The following CHIC1 variants were observed in gnomAD, a reference collection of about 807,000 sequenced individuals.
The protein encoded by CHIC1 is cysteine rich hydrophobic domain 1.
CHIC1 carries 7 observed loss-of-function variants against 18.5 expected under a neutral mutation model. The ratio of observed to expected loss-of-function variants is 0.38; its 90% CI spans 0.22 to 0.71. CHIC1 has a LOEUF of 0.71. Among genes scored for constraint, CHIC1 ranks in the 30% least tolerant of loss-of-function variants. The probability of loss-of-function intolerance (pLI) is 0.49; values close to 1 mark genes in which losing one functional copy is unlikely to be tolerated. For synonymous variants in CHIC1, 77 were observed against 73.5 expected, an observed-to-expected ratio of 1.05 and a Z score of -0.25; for missense variants, 159 against 176.9, an observed-to-expected ratio of 0.90 and a Z score of 0.57.
chrX:73,650,928 A>G (rs2057913302), intron 3 of CHIC1, among the ~76,000 whole-genome samples: 1 of 111,742 alleles, frequency 8.9e-6, no homozygotes, highest in Non-Finnish European at 1.9e-5. Context: ...ACATCAATGC[A>G]AAAATCCTCA....
chrX:73,584,045 G>A (rs1180374072), intron 2 of CHIC1, among the ~76,000 whole-genome samples: 4 of 110,922 alleles, frequency 3.6e-5, no homozygotes, highest in African/African-American at 1.3e-4. Flanking sequence ...TTATTGTTGT[G>A]TTATGCTTCT....
At chrX:73,571,064 G>A (rs902298602) in intron 1 of CHIC1, among the ~76,000 whole-genome samples, 10 of 110,095 alleles carry the variant, frequency 9.1e-5, no homozygotes, top group Admixed American at 1.9e-4. Flanking sequence ...TGGAAGCAGT[G>A]GACAGTTCAT....
chrX:73,587,841 G>A (rs759545214), intron 3 of CHIC1, among the ~76,000 whole-genome samples: 25 of 111,437 alleles, frequency 2.2e-4, no homozygotes, highest in African/African-American at 7.1e-4. Flanking sequence ...TTATAACTTG[G>A]TCATAGACTG....
chrX:73,654,085 A>G (rs532128065), intron 3 of CHIC1, among the ~76,000 whole-genome samples: 2 of 112,473 alleles, frequency 1.8e-5, no homozygotes, highest in African/African-American at 6.4e-5. Flanking sequence ...TGGTCAAAAT[A>G]GTGAAAGTGG....
intron 3 of CHIC1, among the ~76,000 whole-genome samples, chrX:73,601,071 T>G (rs1221586277): frequency 9.4e-6 from 1 of 106,371 alleles, no homozygotes; most frequent in Non-Finnish European, 1.9e-5. Flanking sequence ...AAGTCCTGAG[T>G]GACCTACAAA....
chrX:73,594,162 T>TTTTGTTTTGC (rs1211178077), intron 3 of CHIC1, among the ~76,000 whole-genome samples: 2 of 108,935 alleles, frequency 1.8e-5, no homozygotes, highest in Non-Finnish European at 3.8e-5. Context: ...TTTTGTTTTG[T>TTTTGTTTTGC]TTTGTTTTGT....
chrX:73,672,881 G>C (rs774368358), intron 3 of CHIC1, among the ~76,000 whole-genome samples: 3 of 111,691 alleles, frequency 2.7e-5, no homozygotes, highest in Non-Finnish European at 5.6e-5. Context: ...TTTTCTTCTA[G>C]GGTTTCTATG....
At chrX:73,582,311 A>T (rs552246178) in intron 2 of CHIC1, among the ~76,000 whole-genome samples, 1 of 110,877 alleles carries the variant, frequency 9.0e-6, no homozygotes, top group Admixed American at 9.6e-5. Context: ...AATATTACAG[A>T]TTAAAGCTAA....
intron 3 of CHIC1, among the ~76,000 whole-genome samples, chrX:73,614,665 C>T (rs1208740569): frequency 1.8e-5 from 2 of 109,914 alleles, no homozygotes; most frequent in Non-Finnish European, 3.8e-5. Context: ...AAGATTTTGA[C>T]TACATTTTCT....
chrX:73,618,346 A>G (rs978374720), intron 3 of CHIC1, among the ~76,000 whole-genome samples: 7 of 111,420 alleles, frequency 6.3e-5, no homozygotes, highest in African/African-American at 2.3e-4. Flanking sequence ...CCAAGATAAT[A>G]TGTCCTTTGT....
intron 3 of CHIC1, among the ~76,000 whole-genome samples, chrX:73,636,642 A>G (rs1168141391): frequency 9.2e-6 from 1 of 108,205 alleles, no homozygotes; most frequent in Non-Finnish European, 1.9e-5. Flanking sequence ...TTTTGTAATG[A>G]CACATTTTTA....
intron 3 of CHIC1, among the ~76,000 whole-genome samples, chrX:73,640,720 T>A (rs1489910272): frequency 1.8e-5 from 2 of 111,840 alleles, no homozygotes. Flanking sequence ...TATTTCTAAT[T>A]GTATTTATTT....
chrX:73,686,418 G>T lies in CHIC1; in HGVS notation c.*5413G>T, dbSNP rs1046728092. 2.7e-5 allele frequency: 3 copies of T among 111,085 alleles called. No individual in the cohort carries two copies. Among genetic ancestry groups the T allele is most frequent in the African/African-American group, 9.8e-5 (3 of 30,653 alleles). 9.2% of individuals were successfully genotyped at this position (111,085 alleles called of 1,213,427 possible). A position where few individuals can be genotyped will look rare whatever the true frequency, so the allele number is the denominator to read the frequency against. ...TGCTCATACATACACACACATATAGGATTACAAATGTGGAAAATGTTATAA... is the reference window on the plus strand; with the variant it reads ...TGCTCATACATACACACACATATAGTATTACAAATGTGGAAAATGTTATAA... On this transcript the variant is annotated 3_prime_UTR_variant, in exon 6 of 6. Coordinates refer to ENST00000373502, the MANE Select transcript of CHIC1 (RefSeq NM_001039840.4).
intron 3 of CHIC1, among the ~76,000 whole-genome samples, chrX:73,661,178 C>T (rs2057978362): frequency 8.9e-6 from 1 of 111,873 alleles, no homozygotes. Flanking sequence ...TTGTGGGCCG[C>T]CCCATAAAGG....
chrX:73,596,324 T>C (rs958222399), intron 3 of CHIC1, among the ~76,000 whole-genome samples: 2 of 111,288 alleles, frequency 1.8e-5, no homozygotes, highest in Non-Finnish European at 3.8e-5. Context: ...TTACAAGGGA[T>C]CTGAAGGACC....
intron 3 of CHIC1, among the ~76,000 whole-genome samples, chrX:73,652,966 C>T (rs758613076): frequency 4.3e-4 from 48 of 110,458 alleles, no homozygotes; most frequent in African/African-American, 1.5e-3. Flanking sequence ...ATAGCAGTAA[C>T]GTGGAACCAA....
At chrX:73,658,145 G>A (rs1358679452) in intron 3 of CHIC1, among the ~76,000 whole-genome samples, 1 of 109,397 alleles carries the variant, frequency 9.1e-6, no homozygotes, top group Non-Finnish European at 1.9e-5. Context: ...AATAAATTAG[G>A]GAGGAGTCTC....
chrX:73,669,377 C>T (rs982129798), intron 3 of CHIC1, among the ~76,000 whole-genome samples: 13 of 111,812 alleles, frequency 1.2e-4, no homozygotes, highest in African/African-American at 4.2e-4. Context: ...TCTGGCAAAG[C>T]CACTATGTTG....
intron 3 of CHIC1, among the ~76,000 whole-genome samples, chrX:73,677,748 G>A (rs937167202): frequency 6.3e-5 from 7 of 111,996 alleles, no homozygotes; most frequent in Non-Finnish European, 1.3e-4. Flanking sequence ...CCACTGTCCT[G>A]CACCTACTTT....
Sources: gnomAD v4.1 joint callset for allele counts (sites outside exome capture counted in the v4.1 genomes callset) on GRCh38, gnomAD v4.1.1 for gene constraint, MANE v1.5 for transcripts, NCBI Gene and HGNC (gene_info 2026-07-23, HGNC 2026-07-21) for gene names.